Variants in MARCHF4 observed in about 807,000 individuals in gnomAD.
MARCHF4 encodes the protein membrane associated ring-CH-type finger 4.
A neutral mutation model predicts 43.9 loss-of-function variants in MARCHF4; 14 were observed. The observed-to-expected ratio is 0.32, with a 90% confidence interval of 0.21 to 0.50. MARCHF4 has a LOEUF of 0.50. Among genes scored for constraint, MARCHF4 ranks in the 20% least tolerant of loss-of-function variants. MARCHF4 has a pLI of 0.98. For missense variants in MARCHF4, 468 were observed against 536.7 expected (o/e 0.87, Z 1.27); for synonymous variants, 226 against 213.3 (o/e 1.06, Z -0.52).
At chr2:216,300,321 T>TAC (rs200882569) in intron 1 of MARCHF4, among the ~76,000 whole-genome samples, 2,399 of 147,702 alleles carry the variant, frequency 0.016, 96 homozygotes, top group African/African-American at 0.058. Flanking sequence ...TATGTGCATA[T>TAC]ATATATGTCC....
At chr2:216,319,126 G>A (rs1691836648) in intron 1 of MARCHF4, among the ~76,000 whole-genome samples, 1 of 152,056 alleles carries the variant, frequency 6.6e-6, no homozygotes, top group South Asian at 2.1e-4. Context: ...TGGCCAACAC[G>A]GTGAAACCCT....
intron 3 of MARCHF4, among the ~76,000 whole-genome samples, chr2:216,272,598 G>A (rs1374175592): frequency 6.6e-6 from 1 of 152,216 alleles, no homozygotes; most frequent in Non-Finnish European, 1.5e-5. Flanking sequence ...TCTTAGCTGT[G>A]TGACTTGGAG....
chr2:216,260,854 T>C (rs1355781258), intron 3 of MARCHF4, among the ~76,000 whole-genome samples: 1 of 152,140 alleles, frequency 6.6e-6, no homozygotes, highest in African/African-American at 2.4e-5. Context: ...GAAGCAGTGA[T>C]GTCATGCGGG....
chr2:216,259,513 G>A lies in MARCHF4; in HGVS notation c.1032C>T (p.Ile344=), dbSNP rs762201180. 3 of 1,614,212 alleles carry A rather than the reference G, an allele frequency of 1.9e-6. No individual in the cohort carries two copies. Among genetic ancestry groups the A allele is most frequent in the Non-Finnish European group, 1.7e-6 (2 of 1,180,018 alleles). ...PRTSSSTQAN[I]PSSEEETAGT... is the part of the protein sequence containing the mutation. ...CTGCGGTCTCCTCTTCCGAGGAGGG[G>A]ATATTGGCCTGGGTGGATGAGGAGG... is the stretch of plus-strand genomic sequence containing the variant. Residue 344 remains isoleucine, a synonymous_variant, in exon 4 of 4, where the codon ATC becomes ATT. Coordinates refer to ENST00000273067, the MANE Select transcript of MARCHF4 (RefSeq NM_020814.3).
Position 216,295,914 on chromosome 2 carries a change from G to A in MARCHF4, c.517-12185C>T, listed in dbSNP as rs529512247. On this transcript the variant is annotated intron_variant, in intron 1 of 3. Coordinates refer to ENST00000273067, the MANE Select transcript of MARCHF4 (RefSeq NM_020814.3). ...TGTAATTCCAGCACTGTGGGAGGCC[G>A]AGGCAGGTGGATCACGTGGTCAGGA... is the stretch of plus-strand genomic sequence containing the variant. Among the ~76,000 whole-genome samples the A allele has an allele frequency of 2.6e-3, 391 of 152,344 alleles. 3 individuals carry two copies. The highest frequency in any genetic ancestry group is 4.4e-3 in the Non-Finnish European group (297 of 68,032).
chr2:216,354,902 T>TCTTTCTTTCTTTCTTC (rs1491534210), intron 1 of MARCHF4, among the ~76,000 whole-genome samples: 996 of 55,694 alleles, frequency 0.018, 31 homozygotes, highest in South Asian at 0.027. Context: ...TTTCTTTCTT[T>TCTTTCTTTCTTTCTTC]CTTTCTTTCT....
Position 216,258,954 on chromosome 2 carries a change from G to A in MARCHF4, c.*358C>T, listed in dbSNP as rs563305324. ...TTTCCTCTTGGCCCCCTTGGCCTCC[G>A]GCACTGCCACAGTCACACAGGCTTT... On this transcript the variant is annotated 3_prime_UTR_variant, in exon 4 of 4. Transcript: ENST00000273067. The A allele has an allele frequency of 1.8e-4, 33 of 180,136 alleles. No individual in the cohort carries two copies. The highest frequency in any genetic ancestry group is 1.4e-3 in the Admixed American group (25 of 18,108). The allele number at this position is 180,136 out of a possible 1,614,324, so 11.2% of individuals were successfully genotyped here.
intron 1 of MARCHF4, among the ~76,000 whole-genome samples, chr2:216,297,909 GAC>G (rs1372310737): frequency 1.3e-5 from 2 of 152,204 alleles, no homozygotes. Context: ...CACAAACGAG[GAC>G]ACACTCTCTC....
intron 2 of MARCHF4, among the ~76,000 whole-genome samples, chr2:216,281,027 G>GAC (rs1342516680): frequency 6.7e-6 from 1 of 148,930 alleles, no homozygotes; most frequent in Non-Finnish European, 1.5e-5. Flanking sequence ...TGCCCCATGT[G>GAC]ACACAGGAAA....
At chr2:216,295,374 G>T (rs563344532) in intron 1 of MARCHF4, among the ~76,000 whole-genome samples, 1 of 152,220 alleles carries the variant, frequency 6.6e-6, no homozygotes, top group South Asian at 2.1e-4. Flanking sequence ...CTATCCTCCC[G>T]CCTCAGCCTC....
intron 1 of MARCHF4, chr2:216,321,648 A>G (rs1691897059): frequency 6.6e-6 from 1 of 152,218 alleles, no homozygotes; most frequent in Non-Finnish European, 1.5e-5. Context: ...TCCTTCTTCC[A>G]AGCAAATGTA....
chr2:216,354,929 T>C (rs1488409695), intron 1 of MARCHF4, among the ~76,000 whole-genome samples: 1 of 131,480 alleles, frequency 7.6e-6, no homozygotes. Context: ...CTTTCTTTCT[T>C]TCTTTCTTTC....
chr2:216,292,648 C>G (rs1406053709), intron 1 of MARCHF4, among the ~76,000 whole-genome samples: 6 of 152,230 alleles, frequency 3.9e-5, no homozygotes, highest in African/African-American at 1.4e-4. Context: ...GTCAGTAACA[C>G]ACACACAACC....
intron 2 of MARCHF4, among the ~76,000 whole-genome samples, chr2:216,281,160 T>C (rs1374159916): frequency 1.3e-5 from 2 of 151,012 alleles, no homozygotes; most frequent in Non-Finnish European, 2.9e-5. Flanking sequence ...CCTAGACCTC[T>C]TGTGCTCAAA....
chr2:216,336,955 C>A (rs1337338888), intron 1 of MARCHF4, among the ~76,000 whole-genome samples: 1 of 151,584 alleles, frequency 6.6e-6, no homozygotes, highest in Non-Finnish European at 1.5e-5. Context: ...AGTTTGAGAC[C>A]AGCCTGGCCA....
intron 1 of MARCHF4, among the ~76,000 whole-genome samples, chr2:216,292,076 A>G (rs1261893769): frequency 6.6e-6 from 1 of 152,088 alleles, no homozygotes; most frequent in African/African-American, 2.4e-5. Context: ...CAGAAACCAT[A>G]TTGTGTTTTC....
intron 3 of MARCHF4, among the ~76,000 whole-genome samples, chr2:216,277,133 C>G (rs1485395156): frequency 1.3e-5 from 2 of 152,142 alleles, no homozygotes; most frequent in African/African-American, 2.4e-5. Context: ...GATGGGAGAG[C>G]CTGGAGCTGT....
At chr2:216,336,741 T>TAAAAAAAA (rs779932039) in intron 1 of MARCHF4, among the ~76,000 whole-genome samples, 1 of 54,126 alleles carries the variant, frequency 1.8e-5, no homozygotes, top group Non-Finnish European at 3.3e-5. Context: ...GCAAATAGAT[T>TAAAAAAAA]TAAAAAAAAA....
intron 1 of MARCHF4, among the ~76,000 whole-genome samples, chr2:216,306,177 A>T (rs1349640660): frequency 6.6e-6 from 1 of 150,858 alleles, no homozygotes; most frequent in Admixed American, 6.6e-5. Flanking sequence ...ATCTGCATTG[A>T]TAAACTCTCA....
Sources: gnomAD v4.1 joint callset for allele counts (sites outside exome capture counted in the v4.1 genomes callset) on GRCh38, gnomAD v4.1.1 for gene constraint, MANE v1.5 for transcripts, NCBI Gene and HGNC (gene_info 2026-07-23, HGNC 2026-07-21) for gene names.